Variants in AHNAK observed in about 807,000 individuals in gnomAD.
AHNAK encodes the protein neuroblast differentiation-associated protein AHNAK.
AHNAK carries 23 observed loss-of-function variants against 37.8 expected under a neutral mutation model. The observed-to-expected ratio is 0.61, with a 90% CI of 0.44 to 0.86. The LOEUF (loss-of-function observed/expected upper bound fraction) is 0.86. Among genes scored for constraint, AHNAK ranks in the 40% least tolerant of loss-of-function variants. The probability of loss-of-function intolerance (pLI) is 0.00; values close to 1 mark genes in which losing one functional copy is unlikely to be tolerated. For missense variants in AHNAK, 7,411 were observed against 7,319.4 expected (o/e 1.01, Z -0.46); for synonymous variants, 2,481 against 2,636.3 (o/e 0.94, Z 1.80).
At chr11:62,543,795 C>T (rs1377484294) in intron 1 of AHNAK, among the ~76,000 whole-genome samples, 3 of 152,214 alleles carry the variant, frequency 2.0e-5, no homozygotes, top group South Asian at 2.1e-4. Context: ...CCACTGCCAC[C>T]GCCCAAGCAG....
chr11:62,475,259 C>A (rs979069540), intron 5 of AHNAK, among the ~76,000 whole-genome samples: 1 of 152,078 alleles, frequency 6.6e-6, no homozygotes, highest in Admixed American at 6.6e-5. Flanking sequence ...GCCGAGATCG[C>A]ACCATTGCAC....
chr11:62,465,769 C>A (rs1938899082), intron 5 of AHNAK, among the ~76,000 whole-genome samples: 1 of 151,960 alleles, frequency 6.6e-6, no homozygotes. Context: ...GAGATGGGGG[C>A]AGAAATTGGA....
intron 5 of AHNAK, among the ~76,000 whole-genome samples, chr11:62,461,696 A>G (rs1182080591): frequency 3.3e-5 from 5 of 152,050 alleles, no homozygotes; most frequent in African/African-American, 1.2e-4. Context: ...ATGGTGGTGT[A>G]TGCCTGTAAT....
chr11:62,517,606 G>C lies in AHNAK; in HGVS notation c.16811C>G (p.Ser5604Cys), dbSNP rs778888353. The change falls in exon 5 of 5, where the codon TCT becomes TGT. Residue 5604 changes from serine (S) to cysteine (C), a missense_variant. Physicochemically the swap from Ser to Cys is moderately radical, Grantham distance 112 (BLOSUM62 -1). Coordinates refer to ENST00000378024, the MANE Select transcript of AHNAK (RefSeq NM_001620.3). ...CTTAGATGTGTCCAAGTTGAGAGCAGAGGAGACTTGGGGTCCCTTCCACTC... is the reference window on the plus strand; with the variant it reads ...CTTAGATGTGTCCAAGTTGAGAGCACAGGAGACTTGGGGTCCCTTCCACTC... ...GGEWKGPQVS[S>C]ALNLDTSKFA... 26 of 1,614,038 alleles carry C rather than the reference G, an allele frequency of 1.6e-5. No individual in the cohort carries two copies. Among genetic ancestry groups the C allele is most frequent in the Non-Finnish European group, 2.1e-5 (25 of 1,180,044 alleles).
intron 4 of AHNAK, among the ~76,000 whole-genome samples, chr11:62,503,365 G>T (rs960631382): frequency 5.3e-5 from 8 of 152,122 alleles, no homozygotes; most frequent in Non-Finnish European, 1.5e-5. Context: ...AAGGCGGGGG[G>T]ATCCTGGGTA....
rs1461090864 is a variant in AHNAK, at chr11:62,524,705, C to T, written c.9712G>A (p.Asp3238Asn). 1.2e-6 allele frequency: 2 copies of T among 1,614,224 alleles called. No homozygotes were observed. Among genetic ancestry groups the T allele is most frequent in the Non-Finnish European group, 1.7e-6 (2 of 1,180,048 alleles). Reference protein sequence around the residue: ...LKGPKMKGEVDVSLANVEGDL... With the variant: ...LKGPKMKGEVNVSLANVEGDL... ...CCTTCTACATTTGCAAGTGAAACATCCACCTCTCCTTTCATTTTAGGGCCT... is the reference window on the plus strand; with the variant it reads ...CCTTCTACATTTGCAAGTGAAACATTCACCTCTCCTTTCATTTTAGGGCCT... The change falls in exon 5 of 5, where the codon GAT becomes AAT. Residue 3238 changes from aspartate (D) to asparagine (N), a missense_variant. By Grantham distance (23) the Asp-to-Asn change is conservative. Coordinates refer to ENST00000378024, the MANE Select transcript of AHNAK (RefSeq NM_001620.3).
In AHNAK at chr11:62,468,838, A is replaced by ACGACC. The variant is rs1938971707; in HGVS notation, c.442+22889_442+22893dup. On this transcript the variant is annotated intron_variant, in intron 5 of 5. Coordinates refer to the AHNAK transcript ENST00000257247. ...CCTTTATAAGGACAGTAACTCTGAGACGACCCATCTGCTTTTTGTTCTCTG... is the reference window on the plus strand; with the variant it reads ...CCTTTATAAGGACAGTAACTCTGAGACGACCCGACCCATCTGCTTTTTGTTCTCTG... Among the ~76,000 whole-genome samples the ACGACC allele has an allele frequency of 4.6e-5, 7 of 152,320 alleles. No homozygotes were observed. In the South Asian group the frequency reaches 1.5e-3, roughly 32 times the overall value.
At position 62,524,552 on chromosome 11, in the gene AHNAK, T is replaced by C; in HGVS notation, c.9865A>G (p.Asn3289Asp). ...TCTGGCATGGAGATCTTGGGCATGTTTACATGCATGTCAGGCATCTTCAGT... is the reference window on the plus strand; with the variant it reads ...TCTGGCATGGAGATCTTGGGCATGTCTACATGCATGTCAGGCATCTTCAGT... ...PKLKMPDMHV[N>D]MPKISMPEID... Residue 3289 changes from asparagine to aspartate, a missense_variant, in exon 5 of 5, where the codon AAC becomes GAC. Transcript: ENST00000378024. 6.2e-7 allele frequency: 1 copy of C among 1,614,154 alleles called. No individual in the cohort carries two copies. The highest frequency in any genetic ancestry group is 8.5e-7 in the Non-Finnish European group (1 of 1,180,016).
chr11:62,530,878 C>A lies in AHNAK; in HGVS notation c.3539G>T (p.Gly1180Val). 1 of 1,613,900 alleles carries A rather than the reference C, an allele frequency of 6.2e-7. No homozygotes were observed. The highest frequency in any genetic ancestry group is 8.5e-7 in the Non-Finnish European group (1 of 1,179,974). The change falls in exon 5 of 5, where the codon GGT (glycine) becomes GTT (valine). Residue 1180 changes from glycine (G) to valine (V), a missense_variant. By Grantham distance (109) the Gly-to-Val change is moderately radical (BLOSUM62 -3). Transcript: ENST00000378024. ...CATCTCAGGCATCTTAAACTTGGGA[C>A]CCTTCAGCTTCCCTTCTGGACCTTC... ...SLEGPEGKLK[G>V]PKFKMPEMHF...
At chr11:62,535,798 G>A (rs1940924694) in intron 3 of AHNAK, 147 bp downstream of exon 3, 1 of 1,097,098 alleles carries the variant, frequency 9.1e-7, no homozygotes. Flanking sequence ...AGGGAGGGCA[G>A]GGCTTGGGTA....
At chr11:62,477,801 CA>C (rs60862441) in intron 5 of AHNAK, among the ~76,000 whole-genome samples, 2,871 of 134,002 alleles carry the variant, frequency 0.021, 64 homozygotes, top group African/African-American at 0.067. Flanking sequence ...AACTCCATCT[CA>C]AAAAAAAAAA....
In AHNAK at chr11:62,536,093, C is replaced by G; in HGVS notation, c.6G>C (p.Glu2Asp). The G allele has an allele frequency of 3.2e-6, 5 of 1,580,742 alleles. No individual in the cohort carries two copies. The highest frequency in any genetic ancestry group is 2.7e-5 in the African/African-American group (2 of 74,112). Residue 2 changes from glutamate (E) to aspartate (D), a missense_variant, in exon 3 of 5, where the codon GAG (glutamate) becomes GAC (aspartate). Physicochemically the swap from Glu to Asp is conservative, Grantham distance 45 (BLOSUM62 2). Transcript: ENST00000378024. MEKEETTRELLL... is the reference protein window; with the variant it reads MDKEETTRELLL... ...GCAGCTCCCGGGTTGTCTCCTCCTT[C>G]TCCATCTGGAATGAGGTGAGGAAAT... is the stretch of plus-strand genomic sequence containing the variant.
intron 5 of AHNAK, among the ~76,000 whole-genome samples, chr11:62,469,409 A>C (rs557415053): frequency 6.6e-5 from 10 of 151,936 alleles, no homozygotes; most frequent in African/African-American, 2.4e-4. Flanking sequence ...GGCGTGAACT[A>C]CTGCGTCCAG....
rs1940377585 is a variant in AHNAK at position 62,524,079 on chromosome 11, G to A, written c.10338C>T (p.Gly3446=). ...AGPNLEGDFK[G]PKVDIKAPEV... is the part of the protein sequence containing the mutation. ...CTGGTGCCTTAATATCCACTTTGGG[G>A]CCTTTAAAGTCACCTTCTAAATTGG... Residue 3446 remains glycine (G), a synonymous_variant, in exon 5 of 5, where the codon GGC becomes GGT. Transcript: ENST00000378024. 1.7e-5 allele frequency: 28 copies of A among 1,613,938 alleles called. No individual in the cohort carries two copies. Among genetic ancestry groups the A allele is most frequent in the African/African-American group, 2.7e-5 (2 of 74,888 alleles).
chr11:62,456,982 C>G (rs1406826141), intron 5 of AHNAK, among the ~76,000 whole-genome samples: 1 of 152,174 alleles, frequency 6.6e-6, no homozygotes, highest in African/African-American at 2.4e-5. Context: ...CCTAAGGACT[C>G]TAGCTCATTG....
intron 4 of AHNAK, among the ~76,000 whole-genome samples, chr11:62,501,914 A>G (rs1464987596): frequency 6.6e-6 from 1 of 152,228 alleles, no homozygotes; most frequent in Admixed American, 6.5e-5. Flanking sequence ...TTCCAGGTCA[A>G]AAAATTCTCT....
At chr11:62,482,057 T>G (rs989202837) in intron 5 of AHNAK, among the ~76,000 whole-genome samples, 1 of 152,144 alleles carries the variant, frequency 6.6e-6, no homozygotes, top group Non-Finnish European at 1.5e-5. Context: ...ACTCATGTTG[T>G]CTACATGTGG....
At chr11:62,484,243 A>T (rs1939343063) in intron 5 of AHNAK, among the ~76,000 whole-genome samples, 1 of 151,536 alleles carries the variant, frequency 6.6e-6, no homozygotes. Context: ...TTAGCTGGGC[A>T]TGGTAGCACA....
chr11:62,460,116 CT>C (rs1938751613), intron 5 of AHNAK, among the ~76,000 whole-genome samples: 1 of 145,200 alleles, frequency 6.9e-6, no homozygotes, highest in African/African-American at 2.6e-5. Context: ...AAAACTCCGT[CT>C]CAAAGAAAAA....
Sources: allele counts gnomAD v4.1 joint callset (sites outside exome capture counted in the v4.1 genomes callset), GRCh38; gene constraint gnomAD v4.1.1; transcripts MANE v1.5; gene names NCBI Gene and HGNC (gene_info 2026-07-23, HGNC 2026-07-21).